The following ATRNL1 variants were observed in gnomAD, a reference collection of about 807,000 sequenced individuals.
ATRNL1 encodes attractin like 1, also known as attractin-like protein 1.
Under a neutral mutation model 182.7 loss-of-function variants are expected in ATRNL1, and 95 were observed. The observed-to-expected ratio is 0.52, with a 90% CI of 0.44 to 0.62. The LOEUF is 0.62. Ranked by LOEUF, ATRNL1 falls within the 20% of genes least tolerant of loss-of-function variation. The pLI is 0.00. For missense variants in ATRNL1, 1,471 were observed against 1,679.5 expected (o/e 0.88, Z 2.17); for synonymous variants, 576 against 568.3 (o/e 1.01, Z -0.19).
Position 115,268,352 on chromosome 10 carries a change from T to A in ATRNL1, c.2008T>A (p.Tyr670Asn). 1 of 1,613,038 alleles carries A rather than the reference T, an allele frequency of 6.2e-7. No homozygotes were observed. The highest frequency in any genetic ancestry group is 8.5e-7 in the Non-Finnish European group (1 of 1,179,146). ...TAASDDRCYR[Y>N]ADCASCTANT... ...TGCTTCTGATGACAGATGTTACAGA[T>A]ATGCAGATTGTGCCAGCTGTACTGC... Residue 670 changes from tyrosine to asparagine, a missense_variant, in exon 13 of 29, where the codon TAT becomes AAT. By Grantham distance (143) the Tyr-to-Asn change is moderately radical (BLOSUM62 -2). Around this residue, in one of 3 missense-constraint regions of ATRNL1, gnomAD observed 1,031 missense variants for 1,156.0 expected, o/e 0.89. Transcript: ENST00000355044.
At chr10:115,121,951 T>C (rs541740386) in intron 3 of ATRNL1, 139 bp downstream of exon 3, 1 of 428,424 alleles carries the variant, frequency 2.3e-6, no homozygotes, top group African/African-American at 2.0e-5. Flanking sequence ...TACTTTGTTA[T>C]GTGCTGTAAC....
intron 20 of ATRNL1, among the ~76,000 whole-genome samples, chr10:115,407,422 T>C (rs1287418794): frequency 6.6e-6 from 1 of 152,166 alleles, no homozygotes; most frequent in Non-Finnish European, 1.5e-5. Flanking sequence ...TCTGTTCTAC[T>C]TTTTACTTCT....
At chr10:115,653,293 TGCC>T (rs1860128001) in intron 26 of ATRNL1, among the ~76,000 whole-genome samples, 2 of 152,198 alleles carry the variant, frequency 1.3e-5, no homozygotes, top group African/African-American at 4.8e-5. Context: ...TGGTCATGAG[TGCC>T]TCTTTGTGGC....
chr10:115,271,598 G>A (rs1554913109), intron 13 of ATRNL1, among the ~76,000 whole-genome samples: 1 of 152,128 alleles, frequency 6.6e-6, no homozygotes, highest in East Asian at 1.9e-4. Context: ...GTTCACAATA[G>A]CAAAGACTTG....
chr10:115,913,550 T>C (rs1246060258), intron 28 of ATRNL1, among the ~76,000 whole-genome samples: 2 of 152,234 alleles, frequency 1.3e-5, no homozygotes, highest in African/African-American at 4.8e-5. Context: ...ATTATTTCAT[T>C]TAATCATCTG....
intron 27 of ATRNL1, among the ~76,000 whole-genome samples, chr10:115,788,889 A>G (rs1334929766): frequency 6.6e-6 from 1 of 152,252 alleles, no homozygotes; most frequent in Non-Finnish European, 1.5e-5. Flanking sequence ...TAACCTGCAC[A>G]TGAACTTGTA....
chr10:115,802,045 C>CACACACACACACACACACACACACACAA (rs1360083138), intron 27 of ATRNL1, among the ~76,000 whole-genome samples: 2 of 67,026 alleles, frequency 3.0e-5, no homozygotes, highest in African/African-American at 1.0e-4. Context: ...CACACACACA[C>CACACACACACACACACACACACACACAA]AAAACAAAAA....
intron 7 of ATRNL1, among the ~76,000 whole-genome samples, chr10:115,168,472 A>C (rs545420458): frequency 2.6e-5 from 4 of 152,024 alleles, no homozygotes; most frequent in African/African-American, 9.7e-5. Flanking sequence ...CCTTGCCAAC[A>C]CTTATTAGTA....
chr10:115,109,571 C>T lies in ATRNL1; in HGVS notation c.294-10614C>T, dbSNP rs375523204. ...GGCCTAATCATCTCTCATTAGGTTC[C>T]ACATCCCCACACTGTTGTATCGGGG... On this transcript the variant is annotated intron_variant, in intron 1 of 28. Transcript: ENST00000355044. 2.0e-5 allele frequency among the ~76,000 whole-genome samples: 3 copies of T among 152,256 alleles called. No individual in the cohort carries two copies. In the East Asian group the frequency reaches 5.8e-4, roughly 29 times the overall value.
intron 1 of ATRNL1, among the ~76,000 whole-genome samples, chr10:115,101,647 T>C (rs1172512026): frequency 6.6e-6 from 1 of 152,228 alleles, no homozygotes. Flanking sequence ...ATGAGAGATA[T>C]TAGTCTGCAC....
chr10:115,376,120 G>GT (rs1164083555), intron 19 of ATRNL1, among the ~76,000 whole-genome samples: 1 of 151,576 alleles, frequency 6.6e-6, no homozygotes, highest in Non-Finnish European at 1.5e-5. Context: ...TCTTGGTGGT[G>GT]TTTTTTTCCT....
At chr10:115,418,072 A>T (rs1262298600) in intron 20 of ATRNL1, among the ~76,000 whole-genome samples, 2 of 152,238 alleles carry the variant, frequency 1.3e-5, no homozygotes, top group Non-Finnish European at 2.9e-5. Context: ...AGACAAAATA[A>T]GGTGCCAGAG....
chr10:115,489,023 A>G (rs1202106259), intron 24 of ATRNL1, among the ~76,000 whole-genome samples: 8 of 152,032 alleles, frequency 5.3e-5, no homozygotes, highest in African/African-American at 1.7e-4. Flanking sequence ...GTTTCCATGT[A>G]GTTGTGTGGT....
In ATRNL1 at chr10:115,649,548, T is replaced by C. The variant is rs184160503; in HGVS notation, c.3796-77700T>C. Among the ~76,000 whole-genome samples, 3 of 152,228 alleles carry C rather than the reference T, an allele frequency of 2.0e-5. No individual in the cohort carries two copies. In the East Asian group the frequency reaches 5.8e-4, roughly 29 times the overall value. On this transcript the variant is annotated intron_variant, in intron 26 of 28. Coordinates refer to ENST00000355044, the MANE Select transcript of ATRNL1 (RefSeq NM_207303.4). ...TTCTATCCACATCTGGGAAATAAGTTTGTTAACAAAGCACTTTGACACCTC... is the reference window on the plus strand; with the variant it reads ...TTCTATCCACATCTGGGAAATAAGTCTGTTAACAAAGCACTTTGACACCTC...
intron 20 of ATRNL1, 51 bp from the exon 21 acceptor site, chr10:115,426,199 G>T: frequency 6.9e-7 from 1 of 1,453,782 alleles, no homozygotes; most frequent in East Asian, 2.3e-5. Flanking sequence ...AAAAACATGA[G>T]GCTTTTGAAT....
At chr10:115,417,326 TCCC>T (rs1845438319) in intron 20 of ATRNL1, among the ~76,000 whole-genome samples, 1 of 152,138 alleles carries the variant, frequency 6.6e-6, no homozygotes, top group South Asian at 2.1e-4. Flanking sequence ...ACAGTTGAGT[TCCC>T]AGCACAGAAC....
intron 18 of ATRNL1, among the ~76,000 whole-genome samples, chr10:115,318,206 C>T (rs1404046695): frequency 6.6e-6 from 1 of 152,094 alleles, no homozygotes; most frequent in Non-Finnish European, 1.5e-5. Flanking sequence ...TATTGATTTG[C>T]ATATGTTGAA....
At chr10:115,630,827 T>TACACACACAC (rs199640218) in intron 26 of ATRNL1, among the ~76,000 whole-genome samples, 14 of 129,842 alleles carry the variant, frequency 1.1e-4, no homozygotes, top group South Asian at 8.1e-4. Context: ...ATATGTATTA[T>TACACACACAC]ACACACACAC....
chr10:115,234,754 C>T (rs1225725882), intron 9 of ATRNL1, among the ~76,000 whole-genome samples: 3 of 151,822 alleles, frequency 2.0e-5, no homozygotes, highest in African/African-American at 7.3e-5. Context: ...GCAGGGCCGA[C>T]TAATTTTTGT....
Sources: allele counts gnomAD v4.1 joint callset (sites outside exome capture counted in the v4.1 genomes callset), GRCh38; gene constraint gnomAD v4.1.1; regional missense constraint gnomAD v4.1.1; transcripts MANE v1.5; gene names NCBI Gene and HGNC (gene_info 2026-07-23, HGNC 2026-07-21).